Variants in EFCAB5 observed in about 807,000 individuals in gnomAD.
EFCAB5 encodes EF-hand calcium-binding domain-containing protein 5.
In EFCAB5, 131 loss-of-function variants were observed where a neutral mutation model predicts 167.9. That is an observed-to-expected ratio of 0.78 (90% confidence interval 0.68 to 0.90). The LOEUF is 0.90. EFCAB5 is among the 40% of genes least tolerant of loss of function. The probability of loss-of-function intolerance (pLI) is 0.00; values close to 1 mark genes in which losing one functional copy is unlikely to be tolerated. For synonymous variants in EFCAB5, 574 were observed against 602.8 expected (o/e 0.95, Z 0.70); for missense variants, 1,663 against 1,745.2 (o/e 0.95, Z 0.84).
intron 7 of EFCAB5, among the ~76,000 whole-genome samples, chr17:30,033,921 GGCAACTACT>G (rs1332979410): frequency 6.6e-6 from 1 of 152,090 alleles, no homozygotes; most frequent in East Asian, 1.9e-4. Context: ...GCATTTTACA[GGCAACTACT>G]GCTATTTCAT....
chr17:30,029,565 T>C (rs964339048), intron 7 of EFCAB5, among the ~76,000 whole-genome samples: 2 of 152,084 alleles, frequency 1.3e-5, no homozygotes, highest in African/African-American at 4.8e-5. Context: ...ACTAATCTTT[T>C]TTTTTTTTTT....
Position 30,053,513 on chromosome 17 carries a change from G to T in EFCAB5, c.1559G>T (p.Arg520Ile), listed in dbSNP as rs560863696. The change falls in exon 10 of 23, where the codon AGA (arginine) becomes ATA (isoleucine). Residue 520 changes from arginine (R) to isoleucine (I), a missense_variant. Coordinates refer to ENST00000394835, the MANE Select transcript of EFCAB5 (RefSeq NM_198529.4). ...RGVTAEQGPQ[R>I]ISIEEQQQGK... ...GTAACTGCAGAACAAGGACCACAAA[G>T]AATTTCAATTGAAGAACAACAACAA... The T allele has an allele frequency of 3.7e-6, 6 of 1,613,890 alleles. No homozygotes were observed. In the African/African-American group the frequency reaches 4.0e-5, roughly 11 times the overall value.
chr17:29,998,793 A>T (rs1028680902), intron 6 of EFCAB5, among the ~76,000 whole-genome samples: 4 of 152,196 alleles, frequency 2.6e-5, no homozygotes, highest in Non-Finnish European at 4.4e-5. Flanking sequence ...TAGAAGTAGG[A>T]GAGGAAGCCA....
chr17:30,086,899 A>C lies in EFCAB5; in HGVS notation c.3580-164A>C, dbSNP rs9913151. On this transcript the variant is annotated intron_variant, in intron 18 of 22. Transcript: ENST00000394835. ...AAGAGTGAAACTCCATCTCGAAAAA[A>C]AAAAATTATCCTGTTCTCTAATGGT... Among the ~76,000 whole-genome samples, 628 of 152,254 alleles carry C rather than the reference A, an allele frequency of 4.1e-3. 5 individuals are homozygous for C. The highest frequency in any genetic ancestry group is 0.014 in the African/African-American group (597 of 41,510).
chr17:30,094,535 T>TCC (rs2071260639), intron 22 of EFCAB5, among the ~76,000 whole-genome samples: 1 of 71,318 alleles, frequency 1.4e-5, no homozygotes, highest in African/African-American at 6.7e-5. Flanking sequence ...AAAAAAAAAA[T>TCC]AACTGGGTGT....
At chr17:29,975,358 C>T (rs1056533028) in intron 4 of EFCAB5, among the ~76,000 whole-genome samples, 3 of 151,998 alleles carry the variant, frequency 2.0e-5, no homozygotes, top group Non-Finnish European at 2.9e-5. Flanking sequence ...CTCCCGGCAG[C>T]GATTCTCCTG....
intron 19 of EFCAB5, among the ~76,000 whole-genome samples, chr17:30,088,130 T>C (rs1472162936): frequency 6.6e-6 from 1 of 152,178 alleles, no homozygotes; most frequent in Non-Finnish European, 1.5e-5. Context: ...TCCCAAATCC[T>C]TTTTTCTTGA....
In EFCAB5 at chr17:29,996,418, A is replaced by G. The variant is rs1391836231; in HGVS notation, c.973+58A>G. On this transcript the variant is annotated intron_variant, in intron 6 of 22. Coordinates refer to ENST00000394835, the MANE Select transcript of EFCAB5 (RefSeq NM_198529.4). ...TTTATTTCTTTTTTGGGTGGGGGAC[A>G]CTGAATTCAGATGAAGAGTCAACAT... 3.6e-6 allele frequency: 5 copies of G among 1,393,736 alleles called. No homozygotes were observed. In the African/African-American group the frequency reaches 5.8e-5, roughly 16 times the overall value. 86.3% of individuals were successfully genotyped at this position (1,393,736 alleles called of 1,614,324 possible).
chr17:29,993,232 G>T lies in EFCAB5; in HGVS notation c.835G>T (p.Val279Phe). 1 of 1,613,238 alleles carries T rather than the reference G, an allele frequency of 6.2e-7. No homozygotes were observed. The highest frequency in any genetic ancestry group is 8.5e-7 in the Non-Finnish European group (1 of 1,179,776). Reference protein sequence around the residue: ...KQRESIDKIIVKVANTRKQAL... With the variant: ...KQRESIDKIIFKVANTRKQAL... ...AAGAGAAAGCATAGACAAAATCATAGTCAAGGTGGCCAACACACGGAAACA... is the reference window on the plus strand; with the variant it reads ...AAGAGAAAGCATAGACAAAATCATATTCAAGGTGGCCAACACACGGAAACA... The change falls in exon 5 of 23, where the codon GTC (valine) becomes TTC (phenylalanine). Residue 279 changes from valine (V) to phenylalanine (F), a missense_variant. Transcript: ENST00000394835.
intron 4 of EFCAB5, among the ~76,000 whole-genome samples, chr17:29,980,206 C>A (rs759610153): frequency 2.2e-4 from 34 of 152,084 alleles, no homozygotes; most frequent in Admixed American, 1.6e-3. Flanking sequence ...TACTGAGGAA[C>A]CTTTACTCAG....
intron 14 of EFCAB5, chr17:30,069,743 AC>A: frequency 1.3e-6 from 1 of 777,414 alleles, no homozygotes; most frequent in Non-Finnish European, 2.1e-6. Flanking sequence ...GCATGGTATG[AC>A]CACATTTTAT....
At chr17:29,969,706 G>A (rs532287347) in intron 4 of EFCAB5, among the ~76,000 whole-genome samples, 3 of 152,124 alleles carry the variant, frequency 2.0e-5, no homozygotes, top group African/African-American at 4.8e-5. Flanking sequence ...CTGGTTTAAA[G>A]GTCAATATGT....
At chr17:30,038,987 C>CT (rs1370311514) in intron 8 of EFCAB5, among the ~76,000 whole-genome samples, 1 of 152,164 alleles carries the variant, frequency 6.6e-6, no homozygotes, top group Admixed American at 6.5e-5. Context: ...AACCCAAACT[C>CT]TCAGCAATGC....
intron 3 of EFCAB5, among the ~76,000 whole-genome samples, chr17:29,961,109 G>A (rs964525712): frequency 5.9e-5 from 9 of 152,066 alleles, no homozygotes; most frequent in South Asian, 2.1e-4. Flanking sequence ...ACCAACACTC[G>A]TTATTTTCTG....
chr17:30,072,751 C>T (rs1288362139), intron 14 of EFCAB5, among the ~76,000 whole-genome samples: 1 of 152,128 alleles, frequency 6.6e-6, no homozygotes, highest in Non-Finnish European at 1.5e-5. Flanking sequence ...ATAGTAATAA[C>T]GTTGACCAGT....
At position 30,054,003 on chromosome 17, in the gene EFCAB5, A is replaced by C; in HGVS notation, c.2049A>C (p.Lys683Asn). 1 of 1,611,926 alleles carries C rather than the reference A, an allele frequency of 6.2e-7. No individual in the cohort carries two copies. Among genetic ancestry groups the C allele is most frequent in the Non-Finnish European group, 8.5e-7 (1 of 1,178,684 alleles). The change falls in exon 10 of 23, where the codon AAA becomes AAC. Residue 683 changes from lysine to asparagine, a missense_variant. Physicochemically the swap from Lys to Asn is moderately conservative, Grantham distance 94. Transcript: ENST00000394835. ...AAGATAGTATCTTAAAAAGTACAAAATATGGGGAACCTATAACCTCTGAGT... is the reference window on the plus strand; with the variant it reads ...AAGATAGTATCTTAAAAAGTACAAACTATGGGGAACCTATAACCTCTGAGT... ...SRKDSILKST[K>N]YGEPITSEYI...
chr17:29,973,219 G>A (rs2067994921), intron 4 of EFCAB5, among the ~76,000 whole-genome samples: 2 of 152,084 alleles, frequency 1.3e-5, no homozygotes, highest in Non-Finnish European at 2.9e-5. Flanking sequence ...GGAGGACTTT[G>A]AGCCACAAAC....
intron 22 of EFCAB5, among the ~76,000 whole-genome samples, chr17:30,093,648 T>C (rs924729204): frequency 6.6e-6 from 1 of 152,176 alleles, no homozygotes; most frequent in African/African-American, 2.4e-5. Context: ...TGAGAAGCCT[T>C]GACCACCAAC....
At chr17:30,081,075 C>A in intron 17 of EFCAB5, 94 bp downstream of exon 17, 2 of 946,620 alleles carry the variant, frequency 2.1e-6, no homozygotes, top group Non-Finnish European at 3.2e-6. Context: ...GAGAGTAAAG[C>A]TGTGTATACA....
Sources: allele counts gnomAD v4.1 joint callset (sites outside exome capture counted in the v4.1 genomes callset), GRCh38; gene constraint gnomAD v4.1.1; transcripts MANE v1.5; gene names NCBI Gene and HGNC (gene_info 2026-07-23, HGNC 2026-07-21).